Variants in TMEM161A observed in about 807,000 individuals in gnomAD.
The protein encoded by TMEM161A is transmembrane protein 161A.
In TMEM161A, 46 loss-of-function variants were observed where a neutral mutation model predicts 57.1. That is an observed-to-expected ratio of 0.81 (90% CI 0.64 to 1.03). The LOEUF (loss-of-function observed/expected upper bound fraction) is 1.03, where lower values mean the gene tolerates loss of function less well. Ranked by LOEUF, TMEM161A falls within the 50% of genes least tolerant of loss-of-function variation. TMEM161A has a pLI of 0.00. For missense variants in TMEM161A, 601 were observed against 621.5 expected (o/e 0.97, Z 0.35); for synonymous variants, 288 against 279.0 (o/e 1.03, Z -0.32).
chr19:19,130,537 C>G, intron 5 of TMEM161A: 1 of 554,914 alleles, frequency 1.8e-6, no homozygotes, highest in Non-Finnish European at 3.2e-6. Context: ...GTCTGTACAG[C>G]CTCCCGCCCT....
intron 1 of TMEM161A, among the ~76,000 whole-genome samples, chr19:19,137,578 T>C (rs2059990301): frequency 6.6e-6 from 1 of 152,220 alleles, no homozygotes; most frequent in South Asian, 2.1e-4. Flanking sequence ...GCCTCCCTCC[T>C]CATTCCCGGG....
Position 19,121,215 on chromosome 19 carries a change from C to T in TMEM161A, c.915-49G>A. 1 of 1,551,724 alleles carries T rather than the reference C, an allele frequency of 6.4e-7. No homozygotes were observed. Among genetic ancestry groups the T allele is most frequent in the Middle Eastern group, 1.7e-4 (1 of 5,936 alleles). On this transcript the variant is annotated intron_variant, in intron 9 of 11. Coordinates refer to ENST00000162044, the MANE Select transcript of TMEM161A (RefSeq NM_017814.3). The surrounding 1 kb of genome is among the most constrained non-coding windows in gnomAD (Gnocchi z 5.8). ...AGGGACTAAGAAGGTCGCCCCCGAC[C>T]CCCCAGGATCTTCCCCAGGCTCCTC... is the stretch of plus-strand genomic sequence containing the variant.
Position 19,132,828 on chromosome 19 carries a change from A to C in TMEM161A, c.189-74T>G, listed in dbSNP as rs988228181. 15 of 1,247,566 alleles carry C rather than the reference A, an allele frequency of 1.2e-5. No individual in the cohort carries two copies. Among genetic ancestry groups the C allele is most frequent in the Non-Finnish European group, 1.7e-5 (15 of 902,704 alleles). The allele number at this position is 1,247,566 out of a possible 1,614,324, so 77.3% of individuals were successfully genotyped here. On this transcript the variant is annotated intron_variant, in intron 3 of 11. Coordinates refer to ENST00000162044, the MANE Select transcript of TMEM161A (RefSeq NM_017814.3). The surrounding 1 kb of genome is among the most constrained non-coding windows in gnomAD (Gnocchi z 4.3). ...GAGGCCAGCCACCCTCAGAGCTCAGAGCAGCTGGCCTGGAGACCATCTCTT... is the reference window on the plus strand; with the variant it reads ...GAGGCCAGCCACCCTCAGAGCTCAGCGCAGCTGGCCTGGAGACCATCTCTT...
At chr19:19,123,540 A>G (rs920235214) in intron 6 of TMEM161A, among the ~76,000 whole-genome samples, 2 of 152,230 alleles carry the variant, frequency 1.3e-5, no homozygotes, top group African/African-American at 4.8e-5. Context: ...CAAATATGTC[A>G]GTAATCACAA....
intron 1 of TMEM161A, among the ~76,000 whole-genome samples, chr19:19,136,037 A>G (rs2059983213): frequency 6.6e-6 from 1 of 150,474 alleles, no homozygotes; most frequent in Non-Finnish European, 1.5e-5. Flanking sequence ...TTTAATTAGG[A>G]ATTTTCTCAC....
intron 6 of TMEM161A, among the ~76,000 whole-genome samples, chr19:19,122,209 G>A (rs562753812): frequency 5.9e-5 from 9 of 152,294 alleles, no homozygotes; most frequent in African/African-American, 1.4e-4. Flanking sequence ...CAGGAGAATC[G>A]CTTGAACATG....
At chr19:19,137,659 G>A (rs2059990621) in intron 1 of TMEM161A, among the ~76,000 whole-genome samples, 1 of 152,064 alleles carries the variant, frequency 6.6e-6, no homozygotes, top group Admixed American at 6.5e-5. Flanking sequence ...CAATAATTCC[G>A]GCCATCAGTG....
At position 19,121,279 on chromosome 19, in the gene TMEM161A, G is replaced by T. The variant is rs1423822432; in HGVS notation, c.914+29C>A. On this transcript the variant is annotated intron_variant, in intron 9 of 11. Coordinates refer to ENST00000162044, the MANE Select transcript of TMEM161A (RefSeq NM_017814.3). The surrounding 1 kb of genome is among the most constrained non-coding windows in gnomAD (Gnocchi z 5.8). ...GGCTAGGGCACCCAGGGGAGCCCCA[G>T]CTACCTCCTAGCCCCACCCAATACG... 5 of 1,553,718 alleles carry T rather than the reference G, an allele frequency of 3.2e-6. No homozygotes were observed. Among genetic ancestry groups the T allele is most frequent in the Non-Finnish European group, 4.4e-6 (5 of 1,148,084 alleles).
chr19:19,133,192 G>A lies in TMEM161A; in HGVS notation c.126C>T (p.His42=), dbSNP rs139422406. Residue 42 remains histidine, a synonymous_variant, in exon 3 of 12, where the codon CAC becomes CAT. Coordinates refer to ENST00000162044, the MANE Select transcript of TMEM161A (RefSeq NM_017814.3). ...LCNGSLFRYK[H]PSEEELRALA... ...GGGCCCGAAGCTCCTCCTCAGACGG[G>A]TGCTTGTATCGGAACAAACTGAGAG... 4.5e-5 allele frequency: 72 copies of A among 1,614,192 alleles called. No individual in the cohort carries two copies. The Middle Eastern group carries it at 8.2e-4, about 18-fold the overall frequency.
At chr19:19,134,976 C>A in intron 1 of TMEM161A, 89 bp from the exon 2 acceptor site, 1 of 939,100 alleles carries the variant, frequency 1.1e-6, no homozygotes, top group South Asian at 1.5e-5. Context: ...ATAGAGAAGT[C>A]AGGCTGGATG....
In TMEM161A at chr19:19,135,065, C is replaced by T. The variant is rs575978447; in HGVS notation, c.4-178G>A. ...GTGAGTCTGGACTCACCTAGCATGG[C>T]CCTGCCCTCCCACGTCAGAGATCAA... is the stretch of plus-strand genomic sequence containing the variant. On this transcript the variant is annotated intron_variant, in intron 1 of 11. Transcript: ENST00000162044. The T allele has an allele frequency of 1.0e-3, 545 of 540,640 alleles. 3 individuals are homozygous for T. The highest frequency in any genetic ancestry group is 9.3e-3 in the African/African-American group (477 of 51,378). 33.5% of individuals were successfully genotyped at this position (540,640 alleles called of 1,614,324 possible).
At position 19,130,092 on chromosome 19, in the gene TMEM161A, A is replaced by G. The variant is rs1262779166; in HGVS notation, c.595+64T>C. 9 of 1,593,654 alleles carry G rather than the reference A, an allele frequency of 5.6e-6. No homozygotes were observed. The African/African-American group carries it at 8.0e-5, about 14-fold the overall frequency. On this transcript the variant is annotated intron_variant, in intron 6 of 11. Coordinates refer to ENST00000162044, the MANE Select transcript of TMEM161A (RefSeq NM_017814.3). ...TGCTGGACACGGAGCCAGTTAAACCATCTTGGTCAGATTACATGAGGGAGT... is the reference window on the plus strand; with the variant it reads ...TGCTGGACACGGAGCCAGTTAAACCGTCTTGGTCAGATTACATGAGGGAGT...
chr19:19,131,531 CA>C (rs2059958842), intron 5 of TMEM161A, among the ~76,000 whole-genome samples: 3 of 134,492 alleles, frequency 2.2e-5, no homozygotes, highest in Non-Finnish European at 4.9e-5. Context: ...CACACACACA[CA>C]ATTTTTTGGG....
At chr19:19,128,507 CAT>C (rs1463554874) in intron 6 of TMEM161A, among the ~76,000 whole-genome samples, 1 of 149,192 alleles carries the variant, frequency 6.7e-6, no homozygotes, top group Non-Finnish European at 1.5e-5. Flanking sequence ...TGGGATTACA[CAT>C]GTGAGCCACC....
At chr19:19,124,451 A>G (rs150972781) in intron 6 of TMEM161A, among the ~76,000 whole-genome samples, 93 of 152,382 alleles carry the variant, frequency 6.1e-4, no homozygotes, top group African/African-American at 2.2e-3. Flanking sequence ...CATAGGGCAA[A>G]TCTTACCAAA....
intron 1 of TMEM161A, among the ~76,000 whole-genome samples, chr19:19,137,810 C>T (rs2059991101): frequency 6.6e-6 from 1 of 152,188 alleles, no homozygotes; most frequent in South Asian, 2.1e-4. Flanking sequence ...CCAGCCTGAC[C>T]CCCAGGGGCT....
intron 5 of TMEM161A, chr19:19,130,630 A>G: frequency 6.5e-6 from 2 of 309,580 alleles, no homozygotes; most frequent in South Asian, 8.7e-5. Flanking sequence ...TTCATCTCCA[A>G]TCTGCTGTCA....
rs772198698 is a variant in TMEM161A at position 19,120,778 on chromosome 19, C to T, written c.1173G>A (p.Leu391=). ...PLILTLNCTL[L]LKTLGGYSWG... ...GCGGCATCTCACCCAGCGTCTTGAG[C>T]AGAAGTGTGCAGTTGAGGGTGAGGA... is the stretch of plus-strand genomic sequence containing the variant. The change falls in exon 11 of 12, where the codon CTG becomes CTA. Residue 391 remains leucine, a synonymous_variant. Transcript: ENST00000162044. The T allele has an allele frequency of 1.2e-6, 2 of 1,613,248 alleles. No individual in the cohort carries two copies. Among genetic ancestry groups the T allele is most frequent in the Non-Finnish European group, 1.7e-6 (2 of 1,179,986 alleles).
chr19:19,126,800 G>C (rs1251004933), intron 6 of TMEM161A, among the ~76,000 whole-genome samples: 1 of 152,198 alleles, frequency 6.6e-6, no homozygotes, highest in African/African-American at 2.4e-5. Flanking sequence ...AGCCTGGAAG[G>C]TGGAGGTTGC....
Sources: allele counts gnomAD v4.1 joint callset (sites outside exome capture counted in the v4.1 genomes callset), GRCh38; gene constraint gnomAD v4.1.1; non-coding constraint Gnocchi (gnomAD v3.1); transcripts MANE v1.5; gene names NCBI Gene and HGNC (gene_info 2026-07-23, HGNC 2026-07-21).